THRAP3: variants seen among roughly 807,000 people sequenced by gnomAD.
The protein encoded by THRAP3 is thyroid hormone receptor associated protein 3, also known as thyroid hormone receptor-associated protein 3.
A neutral mutation model predicts 101.0 loss-of-function variants in THRAP3; 16 were observed. That is an observed-to-expected ratio of 0.16 (90% confidence interval 0.11 to 0.24). The LOEUF is 0.24. Ranked by LOEUF, THRAP3 falls within the 10% of genes least tolerant of loss-of-function variation. The pLI, the probability that THRAP3 is intolerant of heterozygous loss-of-function variation, is 1.00. For synonymous variants in THRAP3, 407 were observed against 422.6 expected (o/e 0.96, Z 0.45); for missense variants, 989 against 1,202.7 (o/e 0.82, Z 2.63).
rs180979696 is a variant in THRAP3, at chr1:36,249,316, C to T, written c.-134-10066C>T. Among the ~76,000 whole-genome samples the T allele has an allele frequency of 9.6e-3, 1,454 of 151,942 alleles. 15 individuals carry two copies. Among genetic ancestry groups the T allele is most frequent in the African/African-American group, 0.034 (1,393 of 41,416 alleles). On this transcript the variant is annotated intron_variant, in intron 1 of 11. Transcript: ENST00000354618. ...ATGCCATTCTCCTGCCTTGGCCTCC[C>T]GAGTAGCTGGGACCACAGGTGCCCG...
Position 36,304,188 on chromosome 1 carries a change from G to A in THRAP3, c.*171G>A. 5.7e-6 allele frequency: 6 copies of A among 1,047,202 alleles called. No individual in the cohort carries two copies. Among genetic ancestry groups the A allele is most frequent in the Non-Finnish European group, 6.5e-6 (5 of 767,432 alleles). 64.9% of individuals were successfully genotyped at this position (1,047,202 alleles called of 1,614,324 possible). Reference sequence around the variant, plus strand: ...GCATCCCTGGCGCTGTCTCCCACTGGACAGAGGAGGCTGGCCATGGGGCCC... The same window carrying A: ...GCATCCCTGGCGCTGTCTCCCACTGAACAGAGGAGGCTGGCCATGGGGCCC... On this transcript the variant is annotated 3_prime_UTR_variant, in exon 12 of 12. Transcript: ENST00000354618.
At chr1:36,281,868 C>G (rs1482514346) in intron 2 of THRAP3, among the ~76,000 whole-genome samples, 1 of 151,828 alleles carries the variant, frequency 6.6e-6, no homozygotes, top group Non-Finnish European at 1.5e-5. Flanking sequence ...GTCGGGAGTT[C>G]GAGACCAGCC....
chr1:36,298,252 T>G (rs1166077528), intron 9 of THRAP3, among the ~76,000 whole-genome samples: 1 of 151,962 alleles, frequency 6.6e-6, no homozygotes, highest in African/African-American at 2.4e-5. Context: ...ATTAGGAGCC[T>G]TGGCAGCTTT....
chr1:36,220,791 T>TA (rs552433481), upstream of THRAP3, among the ~76,000 whole-genome samples: 360 of 151,272 alleles, frequency 2.4e-3, 2 homozygotes, highest in African/African-American at 8.3e-3. Flanking sequence ...CTGTCTCTAC[T>TA]AAAAACACAA....
chr1:36,211,868 G>T, the THRAP3 span, among the ~76,000 whole-genome samples: 2 of 152,108 alleles, frequency 1.3e-5, no homozygotes, highest in Non-Finnish European at 2.9e-5. Flanking sequence ...CAATGCTGCC[G>T]GTTCCAGTCT....
the THRAP3 span, among the ~76,000 whole-genome samples, chr1:36,218,322 T>C: frequency 6.8e-6 from 1 of 147,768 alleles, no homozygotes. Flanking sequence ...TGAGCAGAGA[T>C]TGCATCACGC....
At chr1:36,258,822 C>T (rs1344130477) in intron 1 of THRAP3, among the ~76,000 whole-genome samples, 1 of 152,180 alleles carries the variant, frequency 6.6e-6, no homozygotes, top group African/African-American at 2.4e-5. Context: ...GTGAGGACAT[C>T]TAATTACCTA....
chr1:36,216,070 TC>T, the THRAP3 span, among the ~76,000 whole-genome samples: 1 of 152,110 alleles, frequency 6.6e-6, no homozygotes, highest in East Asian at 1.9e-4. Flanking sequence ...CTTTCTTTTT[TC>T]CCAACCATTA....
chr1:36,255,481 A>G (rs1265717595), intron 1 of THRAP3, among the ~76,000 whole-genome samples: 1 of 151,322 alleles, frequency 6.6e-6, no homozygotes, highest in Non-Finnish European at 1.5e-5. Context: ...AAAAAAAAGA[A>G]TGCCAGGCCA....
intron 2 of THRAP3, among the ~76,000 whole-genome samples, chr1:36,265,864 G>T (rs1051670673): frequency 3.3e-5 from 5 of 151,774 alleles, no homozygotes; most frequent in Admixed American, 2.6e-4. Context: ...TTTTAAAATT[G>T]TGAAATGGTC....
chr1:36,244,001 G>T (rs1293280756), intron 1 of THRAP3, among the ~76,000 whole-genome samples: 1 of 146,598 alleles, frequency 6.8e-6, no homozygotes, highest in Non-Finnish European at 1.5e-5. Flanking sequence ...CCCGGACGGG[G>T]CGGCTGGCCG....
intron 9 of THRAP3, among the ~76,000 whole-genome samples, chr1:36,297,326 C>T (rs763820751): frequency 3.3e-5 from 5 of 152,016 alleles, no homozygotes; most frequent in Non-Finnish European, 7.4e-5. Flanking sequence ...TTTCTGTTTA[C>T]GTTTTTGAAT....
intron 2 of THRAP3, among the ~76,000 whole-genome samples, chr1:36,265,680 T>C (rs1232918413): frequency 2.0e-5 from 3 of 152,162 alleles, no homozygotes; most frequent in African/African-American, 7.2e-5. Flanking sequence ...TTTTAAATTT[T>C]AAGTTCTAGG....
intron 6 of THRAP3, among the ~76,000 whole-genome samples, chr1:36,292,077 G>A (rs1254510026): frequency 6.6e-6 from 1 of 151,830 alleles, no homozygotes; most frequent in Non-Finnish European, 1.5e-5. Context: ...CCTAAGACAT[G>A]GGAGCTACAG....
chr1:36,220,507 C>T (rs1342656128), upstream of THRAP3, among the ~76,000 whole-genome samples: 1 of 152,036 alleles, frequency 6.6e-6, no homozygotes, highest in Non-Finnish European at 1.5e-5. Context: ...GTTTACGATA[C>T]AATCAACTCT....
At position 36,243,885 on chromosome 1, in the gene THRAP3, C is replaced by G. The variant is rs1403717275; in HGVS notation, c.-134-15497C>G. 6.3e-5 allele frequency among the ~76,000 whole-genome samples: 9 copies of G among 143,980 alleles called. No homozygotes were observed. In the South Asian group the frequency reaches 8.9e-4, roughly 14 times the overall value. The allele number at this position is 143,980 out of a possible 152,430, so 94.5% of individuals were successfully genotyped here. On this transcript the variant is annotated intron_variant, in intron 1 of 11. Coordinates refer to ENST00000354618, the MANE Select transcript of THRAP3 (RefSeq NM_005119.4). ...TGGCCGGGTGGGGGGCTGACCCCCC[C>G]ACCTCCCTCCCAGACGGGGCGGCTG...
At chr1:36,292,264 C>CTTTTTTTTT (rs774003081) in intron 6 of THRAP3, among the ~76,000 whole-genome samples, 6 of 20,570 alleles carry the variant, frequency 2.9e-4, no homozygotes, top group African/African-American at 8.5e-4. Flanking sequence ...TTCTTTGTTT[C>CTTTTTTTTT]TTTTTTTTTT....
At chr1:36,260,916 T>C (rs1645437878) in intron 2 of THRAP3, among the ~76,000 whole-genome samples, 1 of 152,192 alleles carries the variant, frequency 6.6e-6, no homozygotes, top group South Asian at 2.1e-4. Context: ...GTAGCGCTTA[T>C]TCACAGCCCA....
At position 36,304,677 on chromosome 1, in the gene THRAP3, G is replaced by A. The variant is rs1450156811; in HGVS notation, c.*660G>A. On this transcript the variant is annotated 3_prime_UTR_variant, in exon 12 of 12. Coordinates refer to ENST00000354618, the MANE Select transcript of THRAP3 (RefSeq NM_005119.4). ...GTGTTCCCCTTTTCTGCGCAGCCAT[G>A]TATCACGTGGAGTTGCTCCTTACCA... The A allele has an allele frequency of 4.6e-6, 1 of 218,240 alleles. No individual in the cohort carries two copies. Among genetic ancestry groups the A allele is most frequent in the Non-Finnish European group, 9.2e-6 (1 of 108,378 alleles). 13.5% of individuals were successfully genotyped at this position (218,240 alleles called of 1,614,324 possible).
Sources: gnomAD v4.1 joint callset for allele counts (sites outside exome capture counted in the v4.1 genomes callset) on GRCh38, gnomAD v4.1.1 for gene constraint, MANE v1.5 for transcripts, NCBI Gene and HGNC (gene_info 2026-07-23, HGNC 2026-07-21) for gene names.